Variants in TLN2 observed in about 807,000 individuals in gnomAD.
TLN2 encodes the protein talin 2.
Under a neutral mutation model 294.7 loss-of-function variants are expected in TLN2, and 118 were observed. The observed-to-expected ratio is 0.40, with a 90% CI of 0.34 to 0.47. The LOEUF is 0.47. Ranked by LOEUF, TLN2 falls within the 20% of genes least tolerant of loss-of-function variation. The pLI, the probability that TLN2 is intolerant of heterozygous loss-of-function variation, is 0.84. For missense variants in TLN2, 3,083 were observed against 3,282.2 expected (o/e 0.94, Z 1.48); for synonymous variants, 1,431 against 1,304.5 (o/e 1.10, Z -2.09).
chr15:62,462,111 T>C (rs2140342417), intron 1 of TLN2, among the ~76,000 whole-genome samples: 1 of 152,304 alleles, frequency 6.6e-6, no homozygotes, highest in South Asian at 2.1e-4. Flanking sequence ...GGCGGGTGCC[T>C]GTAGTCCCAG....
At chr15:62,733,688 T>G (rs2060852255) in intron 28 of TLN2, among the ~76,000 whole-genome samples, 1 of 152,268 alleles carries the variant, frequency 6.6e-6, no homozygotes, top group African/African-American at 2.4e-5. Context: ...AGAATGCTAC[T>G]ATATTTGATA....
chr15:62,624,781 G>A lies in TLN2; in HGVS notation c.-37+6306G>A, dbSNP rs534979519. ...TACATAAGCACATGATGGCAGTAAG[G>A]GCAAAGAGAGTCTTGCTTTAAAAAG... On this transcript the variant is annotated intron_variant, in intron 3 of 58. Transcript: ENST00000636159. 2.6e-5 allele frequency among the ~76,000 whole-genome samples: 4 copies of A among 152,246 alleles called. No individual in the cohort carries two copies. The South Asian group carries it at 6.2e-4, about 24-fold the overall frequency.
chr15:62,646,705 G>A (rs2051895903), intron 3 of TLN2, among the ~76,000 whole-genome samples: 1 of 152,132 alleles, frequency 6.6e-6, no homozygotes, highest in Non-Finnish European at 1.5e-5. Context: ...TGAAGAAATT[G>A]AGGCAGAGTG....
chr15:62,718,406 GTC>G (rs2059918483), intron 24 of TLN2, among the ~76,000 whole-genome samples: 1 of 152,188 alleles, frequency 6.6e-6, no homozygotes, highest in Admixed American at 6.5e-5. Context: ...AGGCATACCT[GTC>G]TCTGCTGGGG....
intron 9 of TLN2, among the ~76,000 whole-genome samples, chr15:62,665,861 TCAC>T (rs2054568427): frequency 6.6e-6 from 1 of 152,188 alleles, no homozygotes; most frequent in South Asian, 2.1e-4. Flanking sequence ...ATTCTCTTCT[TCAC>T]CACCATCCTC....
At chr15:62,543,666 A>G (rs1295832421) in intron 1 of TLN2, among the ~76,000 whole-genome samples, 1 of 150,778 alleles carries the variant, frequency 6.6e-6, no homozygotes, top group Non-Finnish European at 1.5e-5. Context: ...GAGGCAGAAG[A>G]GTTGCTTGAA....
chr15:62,790,346 A>C (rs1380338048), intron 45 of TLN2, among the ~76,000 whole-genome samples: 1 of 152,212 alleles, frequency 6.6e-6, no homozygotes, highest in Non-Finnish European at 1.5e-5. Context: ...AGGGAGAGGA[A>C]GGGTTCTGCT....
chr15:62,767,809 A>T, intron 41 of TLN2, among the ~76,000 whole-genome samples: 1 of 152,218 alleles, frequency 6.6e-6, no homozygotes, highest in East Asian at 1.9e-4. Flanking sequence ...TTTTTTCAGC[A>T]GTTACTTTTG....
intron 27 of TLN2, among the ~76,000 whole-genome samples, chr15:62,725,606 G>A (rs2060395793): frequency 6.6e-6 from 1 of 152,166 alleles, no homozygotes. Context: ...TCATTTGTAT[G>A]TACTTCCTTA....
chr15:62,528,900 CTGTCCCATT>C (rs2040879015), intron 1 of TLN2, among the ~76,000 whole-genome samples: 1 of 152,198 alleles, frequency 6.6e-6, no homozygotes, highest in African/African-American at 2.4e-5. Context: ...GGCGTTTCAT[CTGTCCCATT>C]TGGTTTTGTT....
chr15:62,605,710 G>A (rs543675408), intron 2 of TLN2, among the ~76,000 whole-genome samples: 2 of 152,118 alleles, frequency 1.3e-5, no homozygotes, highest in Non-Finnish European at 2.9e-5. Flanking sequence ...CTTGTGACTC[G>A]GTTGAACACC....
At chr15:62,574,949 T>C (rs1338243367) in intron 1 of TLN2, among the ~76,000 whole-genome samples, 2 of 151,746 alleles carry the variant, frequency 1.3e-5, no homozygotes, top group Non-Finnish European at 2.9e-5. Context: ...TAGAGGGAGA[T>C]TGCCAAAAAA....
At chr15:62,649,626 A>G (rs1164107847) in intron 4 of TLN2, among the ~76,000 whole-genome samples, 1 of 152,098 alleles carries the variant, frequency 6.6e-6, no homozygotes, top group East Asian at 1.9e-4. Flanking sequence ...AGTTGGGATG[A>G]TGGAGGGGTC....
intron 36 of TLN2, chr15:62,755,269 C>T (rs767665943): frequency 2.4e-5 from 9 of 371,516 alleles, no homozygotes; most frequent in Non-Finnish European, 4.3e-5. Context: ...CTGATTACAT[C>T]TCCTTTAAGA....
At chr15:62,518,660 C>T (rs1189434220) in intron 1 of TLN2, among the ~76,000 whole-genome samples, 2 of 152,022 alleles carry the variant, frequency 1.3e-5, no homozygotes, top group East Asian at 1.9e-4. Context: ...TGCAGTGGCG[C>T]GATCTTGGCT....
chr15:62,841,530 A>G lies in TLN2; in HGVS notation c.*920A>G, dbSNP rs946556795. The G allele has an allele frequency of 2.0e-5, 3 of 152,186 alleles. No individual in the cohort carries two copies. Among genetic ancestry groups the G allele is most frequent in the African/African-American group, 7.2e-5 (3 of 41,452 alleles). The allele number at this position is 152,186 out of a possible 1,614,324, so 9.4% of individuals were successfully genotyped here. On this transcript the variant is annotated 3_prime_UTR_variant, in exon 59 of 59. Transcript: ENST00000636159. Reference sequence around the variant, plus strand: ...GTTTCTGTGCCTTCAGAATGGTCACAAGCCCGGATTGGAAAGGATCTGCTT... The same window carrying G: ...GTTTCTGTGCCTTCAGAATGGTCACGAGCCCGGATTGGAAAGGATCTGCTT...
chr15:62,692,057 T>C (rs2057965964), intron 12 of TLN2, among the ~76,000 whole-genome samples: 1 of 152,236 alleles, frequency 6.6e-6, no homozygotes, highest in South Asian at 2.1e-4. Context: ...TATTCTGGCC[T>C]ACTTTTCAGG....
chr15:62,772,162 G>T (rs1041558569), intron 42 of TLN2, among the ~76,000 whole-genome samples: 42 of 151,976 alleles, frequency 2.8e-4, no homozygotes, highest in South Asian at 1.0e-3. Context: ...TCACTATGTT[G>T]CCCAGGCTCA....
At position 62,415,043 on chromosome 15, in the gene TLN2, G is replaced by C. The variant is rs749870856; in HGVS notation, c.-238+24358G>C. ...TCTGCCTCAGCCCCCCGAGTAGCTG[G>C]GATTACAGGCGTGCACCACCATGCC... On this transcript the variant is annotated intron_variant, in intron 1 of 58. Transcript: ENST00000636159. 1.5e-4 allele frequency among the ~76,000 whole-genome samples: 21 copies of C among 140,708 alleles called. 1 individual carries two copies. Among genetic ancestry groups the C allele is most frequent in the Non-Finnish European group, 1.8e-4 (12 of 65,834 alleles). The allele number at this position is 140,708 out of a possible 152,430, so 92.3% of individuals were successfully genotyped here.
Sources: allele counts gnomAD v4.1 joint callset (sites outside exome capture counted in the v4.1 genomes callset), GRCh38; gene constraint gnomAD v4.1.1; transcripts MANE v1.5; gene names NCBI Gene and HGNC (gene_info 2026-07-23, HGNC 2026-07-21).